CHRM3: variants seen among roughly 807,000 people sequenced by gnomAD.
CHRM3 encodes the protein muscarinic acetylcholine receptor M3.
In CHRM3, 11 loss-of-function variants were observed where a neutral mutation model predicts 41.8. The observed-to-expected ratio is 0.26, with a 90% CI of 0.17 to 0.44. CHRM3 has a LOEUF of 0.44. Ranked by LOEUF, CHRM3 falls within the 20% of genes least tolerant of loss-of-function variation. The pLI is 1.00. For missense variants in CHRM3, 571 were observed against 745.4 expected, an observed-to-expected ratio of 0.77 and a Z score of 2.72; for synonymous variants, 297 against 301.4, an observed-to-expected ratio of 0.99 and a Z score of 0.15.
chr1:239,392,791 C>T (rs1659155072), intron 1 of CHRM3, among the ~76,000 whole-genome samples: 1 of 152,144 alleles, frequency 6.6e-6, no homozygotes, highest in East Asian at 1.9e-4. Context: ...CTGCTAACAG[C>T]CTTTGTCTAC....
chr1:239,668,866 G>GT (rs2149047926), intron 4 of CHRM3, among the ~76,000 whole-genome samples: 1 of 152,318 alleles, frequency 6.6e-6, no homozygotes, highest in East Asian at 1.9e-4. Flanking sequence ...GAACAAACCA[G>GT]TAGTTCTAGA....
intron 3 of CHRM3, among the ~76,000 whole-genome samples, chr1:239,631,404 G>T (rs1031975032): frequency 6.6e-6 from 1 of 151,888 alleles, no homozygotes; most frequent in South Asian, 2.1e-4. Context: ...TTTTCATTTG[G>T]TGTCACCGTC....
intron 6 of CHRM3, among the ~76,000 whole-genome samples, chr1:239,832,260 A>T (rs1382411063): frequency 6.6e-6 from 1 of 151,762 alleles, no homozygotes; most frequent in Non-Finnish European, 1.5e-5. Context: ...TTCCTTTATA[A>T]TTTTGTCAAG....
chr1:239,645,870 AAG>A (rs1294375088), intron 4 of CHRM3, among the ~76,000 whole-genome samples: 4 of 152,192 alleles, frequency 2.6e-5, no homozygotes, highest in Non-Finnish European at 5.9e-5. Context: ...TTTTAACTAA[AAG>A]AGAGTTTTTA....
chr1:239,852,489 C>T (rs1674774826), intron 6 of CHRM3, among the ~76,000 whole-genome samples: 1 of 152,110 alleles, frequency 6.6e-6, no homozygotes, highest in African/African-American at 2.4e-5. Context: ...CAGATACAAG[C>T]AATACAATGC....
intron 5 of CHRM3, among the ~76,000 whole-genome samples, chr1:239,817,668 C>T (rs1072064): frequency 0.28 from 42,218 of 151,612 alleles, 6,146 homozygotes; most frequent in East Asian, 0.45. Flanking sequence ...ACCCCCATCT[C>T]CTCCCTCGAA....
chr1:239,540,284 G>A (rs1173507817), intron 2 of CHRM3, among the ~76,000 whole-genome samples: 2 of 152,288 alleles, frequency 1.3e-5, no homozygotes, highest in Non-Finnish European at 1.5e-5. Flanking sequence ...GCATCATAAT[G>A]TGTAGATTGC....
chr1:239,743,782 T>TTTTTTC (rs1665082141), intron 5 of CHRM3, among the ~76,000 whole-genome samples: 1 of 142,580 alleles, frequency 7.0e-6, no homozygotes, highest in Non-Finnish European at 1.5e-5. Flanking sequence ...TTTTTCTTTT[T>TTTTTTC]TTTTTCTTTT....
intron 5 of CHRM3, among the ~76,000 whole-genome samples, chr1:239,807,825 C>G (rs1201566723): frequency 1.1e-5 from 1 of 89,030 alleles, no homozygotes; most frequent in Non-Finnish European, 2.3e-5. Flanking sequence ...TGCGCACACA[C>G]ACACACACAC....
At chr1:239,426,778 C>T (rs1455143704) in intron 1 of CHRM3, among the ~76,000 whole-genome samples, 1 of 152,084 alleles carries the variant, frequency 6.6e-6, no homozygotes, top group Non-Finnish European at 1.5e-5. Context: ...TCCTATACAA[C>T]ATAATGAGCA....
At chr1:239,409,043 TTC>T (rs144280141) in intron 1 of CHRM3, among the ~76,000 whole-genome samples, 4,525 of 152,292 alleles carry the variant, frequency 0.03, 248 homozygotes, top group African/African-American at 0.1. Context: ...AAATATTATA[TTC>T]TGTCAGATTT....
At chr1:239,706,266 T>C (rs916797729) in intron 5 of CHRM3, 9 of 151,532 alleles carry the variant, frequency 5.9e-5, no homozygotes, top group African/African-American at 2.2e-4. Context: ...AGATTATTTG[T>C]AAATGATTTA....
intron 3 of CHRM3, among the ~76,000 whole-genome samples, chr1:239,554,398 T>A (rs935556369): frequency 3.3e-5 from 5 of 152,036 alleles, no homozygotes; most frequent in Admixed American, 1.3e-4. Flanking sequence ...AGAATTTACA[T>A]TTCTAGGTAG....
Position 239,459,953 on chromosome 1 carries a change from G to A in CHRM3, c.-520-32756G>A, listed in dbSNP as rs115454090. Reference sequence around the variant, plus strand: ...TGATCACGCATTAACTCTGTGTTAGGCCCTATTCAGGGGCTTTACCCATAC... The same window carrying A: ...TGATCACGCATTAACTCTGTGTTAGACCCTATTCAGGGGCTTTACCCATAC... On this transcript the variant is annotated intron_variant, in intron 1 of 6. Coordinates refer to ENST00000676153, the MANE Select transcript of CHRM3 (RefSeq NM_001375978.1). Among the ~76,000 whole-genome samples, 1,474 of 152,210 alleles carry A rather than the reference G, an allele frequency of 9.7e-3. 11 individuals are homozygous for A. The highest frequency in any genetic ancestry group is 0.017 in the Non-Finnish European group (1,155 of 68,000).
chr1:239,407,417 T>TATATATATATATATATATAGAGAG, intron 1 of CHRM3, among the ~76,000 whole-genome samples: 8 of 134,122 alleles, frequency 6.0e-5, no homozygotes, highest in South Asian at 2.4e-4. Flanking sequence ...TATATATATA[T>TATATATATATATATATATAGAGAG]AGAGAGAGAG....
At chr1:239,639,037 T>C (rs1347213329) in intron 4 of CHRM3, among the ~76,000 whole-genome samples, 7 of 152,048 alleles carry the variant, frequency 4.6e-5, no homozygotes, top group African/African-American at 1.4e-4. Flanking sequence ...TCCCCATTGC[T>C]TGTTTTTCTC....
chr1:239,838,366 G>A (rs1001918983), intron 6 of CHRM3, among the ~76,000 whole-genome samples: 4 of 152,088 alleles, frequency 2.6e-5, no homozygotes, highest in Admixed American at 6.6e-5. Context: ...TGTGGTTAAA[G>A]ATGCCATCCT....
intron 1 of CHRM3, among the ~76,000 whole-genome samples, chr1:239,424,822 GCT>G: frequency 6.6e-6 from 1 of 152,168 alleles, no homozygotes; most frequent in Non-Finnish European, 1.5e-5. Flanking sequence ...ATCATGTAGG[GCT>G]CTTTAAGCCA....
At chr1:239,580,897 C>T (rs921570784) in intron 3 of CHRM3, among the ~76,000 whole-genome samples, 2 of 151,690 alleles carry the variant, frequency 1.3e-5, no homozygotes, top group Admixed American at 6.6e-5. Flanking sequence ...ATTTCTCCAC[C>T]TTTGGCAGGG....
Sources: gnomAD v4.1 joint callset for allele counts (sites outside exome capture counted in the v4.1 genomes callset) on GRCh38, gnomAD v4.1.1 for gene constraint, MANE v1.5 for transcripts, NCBI Gene and HGNC (gene_info 2026-07-23, HGNC 2026-07-21) for gene names.